The following GNAL variants were observed in gnomAD, a reference collection of about 807,000 sequenced individuals.
GNAL encodes G protein subunit alpha L, also known as guanine nucleotide-binding protein G(olf) subunit alpha.
A neutral mutation model predicts 55.1 loss-of-function variants in GNAL; 18 were observed. The ratio of observed to expected loss-of-function variants is 0.33; its 90% CI spans 0.23 to 0.48. The LOEUF is 0.48. Ranked by LOEUF, GNAL falls within the 20% of genes least tolerant of loss-of-function variation. The pLI is 0.99. For missense variants in GNAL, 412 were observed against 614.1 expected (o/e 0.67, Z 3.48); for synonymous variants, 253 against 237.0 (o/e 1.07, Z -0.62).
Position 11,752,612 on chromosome 18 carries a change from C to T in GNAL, c.377-241C>T. The T allele has an allele frequency of 1.3e-6, 2 of 1,564,426 alleles. No homozygotes were observed. The highest frequency in any genetic ancestry group is 1.7e-6 in the Non-Finnish European group (2 of 1,162,068). Reference sequence around the variant, plus strand: ...GAGGGGCGCGCGGCGGCTCCCGGCCCCAGCGGAGCGCACAGCCAGGAGCGG... The same window carrying T: ...GAGGGGCGCGCGGCGGCTCCCGGCCTCAGCGGAGCGCACAGCCAGGAGCGG... On this transcript the variant is annotated intron_variant, in intron 1 of 11. Coordinates refer to ENST00000334049, the MANE Select transcript of GNAL (RefSeq NM_182978.4). This position sits in a 1 kb window ranked among gnomAD's most constrained non-coding sequence, Gnocchi z 4.5.
intron 5 of GNAL, among the ~76,000 whole-genome samples, chr18:11,837,110 C>T (rs184535177): frequency 2.6e-5 from 4 of 152,112 alleles, no homozygotes; most frequent in East Asian, 1.9e-4. Flanking sequence ...CATGCCACCA[C>T]GCCCAGTTAA....
chr18:11,762,736 G>A (rs1294642625), intron 4 of GNAL, among the ~76,000 whole-genome samples: 1 of 152,196 alleles, frequency 6.6e-6, no homozygotes, highest in African/African-American at 2.4e-5. Flanking sequence ...GGTTTTCTTT[G>A]GGGGAGTGAC....
At chr18:11,840,163 A>G (rs558252326) in intron 5 of GNAL, among the ~76,000 whole-genome samples, 2 of 152,278 alleles carry the variant, frequency 1.3e-5, no homozygotes, top group South Asian at 2.1e-4. Context: ...TTTACTTACA[A>G]TTTTATTCAT....
intron 1 of GNAL, among the ~76,000 whole-genome samples, chr18:11,698,320 G>A (rs1236699791): frequency 6.6e-6 from 1 of 151,798 alleles, no homozygotes; most frequent in East Asian, 1.9e-4. Context: ...GTAAAACCTC[G>A]CCTCTACTAA....
intron 5 of GNAL, among the ~76,000 whole-genome samples, chr18:11,849,499 C>T (rs934070414): frequency 1.9e-5 from 1 of 51,888 alleles, no homozygotes; most frequent in African/African-American, 6.2e-5. Context: ...AAGATTTCAT[C>T]TCAAAAAAAA....
At chr18:11,825,083 C>A in intron 5 of GNAL, 68 bp downstream of exon 5, 1 of 833,022 alleles carries the variant, frequency 1.2e-6, no homozygotes, top group Non-Finnish European at 2.0e-6. Context: ...ATTATGCTGC[C>A]TTCTCAGTAC....
At chr18:11,704,557 G>A (rs1008673963) in intron 1 of GNAL, among the ~76,000 whole-genome samples, 4 of 152,214 alleles carry the variant, frequency 2.6e-5, no homozygotes, top group African/African-American at 7.2e-5. Context: ...AGGGAGAGGA[G>A]CTCAGCTATC....
At chr18:11,862,563 T>A in intron 6 of GNAL, 114 bp downstream of exon 6, 1 of 911,696 alleles carries the variant, frequency 1.1e-6, no homozygotes. Flanking sequence ...ATACCTACTT[T>A]TTGCAAATTG....
chr18:11,797,740 CAGAG>C (rs143546710), intron 4 of GNAL, among the ~76,000 whole-genome samples: 18,917 of 149,740 alleles, frequency 0.13, 1,376 homozygotes, highest in East Asian at 0.32. Flanking sequence ...CTTTGGGTGA[CAGAG>C]AGAGGTGAGA....
intron 5 of GNAL, among the ~76,000 whole-genome samples, chr18:11,831,412 ACT>A (rs2035380859): frequency 6.6e-6 from 1 of 151,824 alleles, no homozygotes; most frequent in East Asian, 1.9e-4. Context: ...GCCCCCACAC[ACT>A]CTCTCCAAGC....
chr18:11,761,117 G>T (rs2033227482), intron 4 of GNAL, among the ~76,000 whole-genome samples: 2 of 152,098 alleles, frequency 1.3e-5, no homozygotes, highest in South Asian at 4.2e-4. Context: ...CGGCCCCCAG[G>T]TCCCGTGGTC....
chr18:11,865,237 G>T (rs1205312926), intron 7 of GNAL, among the ~76,000 whole-genome samples: 1 of 25,854 alleles, frequency 3.9e-5, no homozygotes. Context: ...AAGAAGGTTC[G>T]GGGCTCACTA....
At chr18:11,797,800 T>A (rs539729996) in intron 4 of GNAL, among the ~76,000 whole-genome samples, 1 of 151,826 alleles carries the variant, frequency 6.6e-6, no homozygotes. Context: ...ATGAATCTGA[T>A]ATGCATTCTT....
intron 4 of GNAL, among the ~76,000 whole-genome samples, chr18:11,792,174 T>TCCTTCCCTCCTTCCTTCCC (rs2034256936): frequency 6.6e-6 from 1 of 151,930 alleles, no homozygotes; most frequent in Non-Finnish European, 1.5e-5. Context: ...GTTTCCTTCC[T>TCCTTCCCTCCTTCCTTCCC]CCCTCCCTCC....
At position 11,867,422 on chromosome 18, in the gene GNAL, T is replaced by C. The variant is rs183612320; in HGVS notation, c.910+196T>C. Among the ~76,000 whole-genome samples the C allele has an allele frequency of 4.3e-4, 66 of 152,270 alleles. 1 individual carries two copies. In the East Asian group the frequency reaches 8.7e-3, roughly 20 times the overall value. On this transcript the variant is annotated intron_variant, in intron 8 of 11. Coordinates refer to ENST00000334049, the MANE Select transcript of GNAL (RefSeq NM_182978.4). ...GGCCTGACACGGTGGCTCACGCCCGTAATCCCAGCACCTTGGGAGGCCAAG... is the reference window on the plus strand; with the variant it reads ...GGCCTGACACGGTGGCTCACGCCCGCAATCCCAGCACCTTGGGAGGCCAAG...
intron 5 of GNAL, among the ~76,000 whole-genome samples, chr18:11,861,445 T>C (rs1429518570): frequency 6.6e-6 from 1 of 152,146 alleles, no homozygotes; most frequent in Non-Finnish European, 1.5e-5. Flanking sequence ...TTCCACCATA[T>C]TTACTGGGGC....
chr18:11,876,723 C>T (rs1213111398), intron 11 of GNAL, 35 bp downstream of exon 11: 1 of 1,145,750 alleles, frequency 8.7e-7, no homozygotes, highest in South Asian at 1.2e-5. Flanking sequence ...TTTTCTACCT[C>T]CCTTCTTAAT....
At position 11,754,878 on chromosome 18, in the gene GNAL, A is replaced by G. The variant is rs543785624; in HGVS notation, c.624+933A>G. Among the ~76,000 whole-genome samples, 7 of 152,350 alleles carry G rather than the reference A, an allele frequency of 4.6e-5. 1 individual carries two copies. In the South Asian group the frequency reaches 1.4e-3, roughly 32 times the overall value. ...TCTTAGTTTTCTCTCATTTTTCAGA[A>G]TATACATTTCTTTAAAATATTTGGT... On this transcript the variant is annotated intron_variant, in intron 4 of 11. Coordinates refer to ENST00000334049, the MANE Select transcript of GNAL (RefSeq NM_182978.4).
intron 6 of GNAL, 35 bp downstream of exon 6, chr18:11,862,484 A>G: frequency 7.1e-7 from 1 of 1,411,088 alleles, no homozygotes; most frequent in Non-Finnish European, 1.0e-6. Context: ...CACACACCAG[A>G]AACTTTGAGA....
Sources: gnomAD v4.1 joint callset for allele counts (sites outside exome capture counted in the v4.1 genomes callset) on GRCh38, gnomAD v4.1.1 for gene constraint, Gnocchi (gnomAD v3.1) non-coding constraint, MANE v1.5 for transcripts, NCBI Gene and HGNC (gene_info 2026-07-23, HGNC 2026-07-21) for gene names.